ADARB1: variants seen among roughly 807,000 people sequenced by gnomAD.
ADARB1 encodes the protein adenosine deaminase RNA specific B1.
A neutral mutation model predicts 52.4 loss-of-function variants in ADARB1; 10 were observed. The ratio of observed to expected loss-of-function variants is 0.19; its 90% CI spans 0.12 to 0.32. ADARB1 has a LOEUF of 0.32. Among genes scored for constraint, ADARB1 ranks in the 10% least tolerant of loss-of-function variants. ADARB1 has a pLI of 1.00. For missense variants in ADARB1, 643 were observed against 922.3 expected (o/e 0.70, Z 3.92); for synonymous variants, 349 against 371.1 (o/e 0.94, Z 0.68).
chr21:45,111,728 A>G lies in ADARB1; in HGVS notation c.-219-16674A>G, dbSNP rs116878902. Among the ~76,000 whole-genome samples the G allele has an allele frequency of 5.3e-4, 80 of 152,334 alleles. 1 individual carries two copies. The East Asian group carries it at 0.014, about 28-fold the overall frequency. On this transcript the variant is annotated intron_variant, in intron 1 of 10. Coordinates refer to ENST00000348831, the MANE Select transcript of ADARB1 (RefSeq NM_001112.4). ...TGCCTGTTCGTTTTTACTGCTGTACATAGTACTCTGCTGTTTGACCATATC... is the reference window on the plus strand; with the variant it reads ...TGCCTGTTCGTTTTTACTGCTGTACGTAGTACTCTGCTGTTTGACCATATC...
intron 2 of ADARB1, among the ~76,000 whole-genome samples, chr21:45,169,691 C>T (rs2091403889): frequency 6.6e-6 from 1 of 152,124 alleles, no homozygotes; most frequent in Non-Finnish European, 1.5e-5. Context: ...TATTTAAAAC[C>T]AGTTTCAGCC....
chr21:45,219,016 T>A (rs1304213634), intron 9 of ADARB1, among the ~76,000 whole-genome samples: 1 of 152,242 alleles, frequency 6.6e-6, no homozygotes, highest in Non-Finnish European at 1.5e-5. Context: ...AGTGTCTTTT[T>A]AAAAACTTTC....
At chr21:45,151,872 A>G (rs1401138452) in intron 2 of ADARB1, among the ~76,000 whole-genome samples, 2 of 152,258 alleles carry the variant, frequency 1.3e-5, no homozygotes, top group Non-Finnish European at 2.9e-5. Flanking sequence ...AGCCAGGCAC[A>G]GTGGAAAATG....
rs140094480 is a variant in ADARB1 at position 45,119,542 on chromosome 21, T to C, written c.-219-8860T>C. On this transcript the variant is annotated intron_variant, in intron 1 of 10. Transcript: ENST00000348831. ...GGTACTTTTGATACAGAAGTTCTTATGAGACGTGTTGTTCTTTACTATGTA... is the reference window on the plus strand; with the variant it reads ...GGTACTTTTGATACAGAAGTTCTTACGAGACGTGTTGTTCTTTACTATGTA... 3.1e-3 allele frequency among the ~76,000 whole-genome samples: 478 copies of C among 152,370 alleles called. 5 individuals are homozygous for C. Among genetic ancestry groups the C allele is most frequent in the Middle Eastern group, 0.014 (4 of 294 alleles).
intron 1 of ADARB1, among the ~76,000 whole-genome samples, chr21:45,116,327 G>A (rs566598138): frequency 1.3e-5 from 2 of 152,342 alleles, no homozygotes; most frequent in Admixed American, 6.5e-5. Context: ...CCCTTGCCTC[G>A]GCTGCTAAGT....
chr21:45,200,894 CAG>C lies in ADARB1; in HGVS notation c.1566-3660_1566-3659del, dbSNP rs151288538. Reference sequence around the variant, plus strand: ...TCTCAGGCCGGGCCCTTTACTGAATCAGGGGACAGATCAGATGATAGCAGTCT... The same window carrying C: ...TCTCAGGCCGGGCCCTTTACTGAATCGGGACAGATCAGATGATAGCAGTCT... On this transcript the variant is annotated intron_variant, in intron 8 of 10. Coordinates refer to ENST00000348831, the MANE Select transcript of ADARB1 (RefSeq NM_001112.4). This position sits in a 1 kb window ranked among gnomAD's most constrained non-coding sequence, Gnocchi z 5.0. Among the ~76,000 whole-genome samples the C allele has an allele frequency of 4.5e-3, 684 of 152,302 alleles. 6 individuals are homozygous for C. The highest frequency in any genetic ancestry group is 8.2e-3 in the Admixed American group (125 of 15,296).
intron 1 of ADARB1, among the ~76,000 whole-genome samples, chr21:45,114,113 A>G (rs2087701102): frequency 6.6e-6 from 1 of 152,182 alleles, no homozygotes; most frequent in Admixed American, 6.5e-5. Context: ...CCAAAACTAC[A>G]TATCCAGCAC....
At chr21:45,137,435 C>A in intron 2 of ADARB1, 1 of 152,576 alleles carries the variant, frequency 6.6e-6, no homozygotes. Flanking sequence ...CTTGGCCATT[C>A]CTGCCCCTTG....
chr21:45,077,404 G>A (rs539825419), intron 1 of ADARB1, among the ~76,000 whole-genome samples: 5 of 152,272 alleles, frequency 3.3e-5, no homozygotes, highest in East Asian at 3.9e-4. Context: ...GGTGGCTCAC[G>A]CCTGTAATCC....
chr21:45,132,497 C>T (rs73230682), intron 2 of ADARB1, among the ~76,000 whole-genome samples: 6,830 of 152,272 alleles, frequency 0.045, 206 homozygotes, highest in Non-Finnish European at 0.065. Context: ...ATTTCTTTAA[C>T]TTGAGGCCCT....
At chr21:45,134,877 A>G in intron 2 of ADARB1, 1 of 524,088 alleles carries the variant, frequency 1.9e-6, no homozygotes, top group South Asian at 1.4e-5. Context: ...CCAGCACCAC[A>G]CCCCTGGCTG....
chr21:45,164,971 A>T (rs375023335), intron 2 of ADARB1, among the ~76,000 whole-genome samples: 2 of 152,146 alleles, frequency 1.3e-5, no homozygotes, highest in East Asian at 3.9e-4. Flanking sequence ...ACACATGTGC[A>T]TTGGTACACC....
At chr21:45,089,860 A>T (rs1244813099) in intron 1 of ADARB1, among the ~76,000 whole-genome samples, 1 of 152,290 alleles carries the variant, frequency 6.6e-6, no homozygotes, top group African/African-American at 2.4e-5. Flanking sequence ...TGTTTTCTAG[A>T]TGGAGGATCC....
rs556388098 is a variant in ADARB1, at chr21:45,086,992, A to G, written c.-220+12199A>G. On this transcript the variant is annotated intron_variant, in intron 1 of 10. Coordinates refer to ENST00000348831, the MANE Select transcript of ADARB1 (RefSeq NM_001112.4). ...GCCTACTATAGGATGAAATATGGTT[A>G]TAATGTCGAGCAGAAGCTATTAGCA... 2.6e-5 allele frequency among the ~76,000 whole-genome samples: 4 copies of G among 152,340 alleles called. No homozygotes were observed. In the South Asian group the frequency reaches 8.3e-4, roughly 32 times the overall value.
chr21:45,184,479 C>T (rs1294479433), intron 7 of ADARB1: 2 of 227,552 alleles, frequency 8.8e-6, no homozygotes, highest in Admixed American at 5.4e-5. Flanking sequence ...GACAGGGTCT[C>T]GCTCTTACAC....
chr21:45,147,942 C>T (rs530299960), intron 2 of ADARB1, among the ~76,000 whole-genome samples: 35 of 152,238 alleles, frequency 2.3e-4, no homozygotes, highest in Non-Finnish European at 4.3e-4. Flanking sequence ...GAGGCTGCCG[C>T]GCCTGTGCCA....
intron 9 of ADARB1, among the ~76,000 whole-genome samples, chr21:45,216,857 T>TTACTTCCTG (rs578151774): frequency 9.7e-4 from 148 of 152,156 alleles, no homozygotes; most frequent in African/African-American, 3.5e-3. Context: ...TTTAGAGTTT[T>TTACTTCCTG]TACTTCCTGT....
rs117079254 is a variant in ADARB1, at chr21:45,151,901, C to T, written c.-47-19709C>T. On this transcript the variant is annotated intron_variant, in intron 2 of 10. Coordinates refer to ENST00000348831, the MANE Select transcript of ADARB1 (RefSeq NM_001112.4). ...GAAAATGGGAAGATGTTGGCGTTTG[C>T]CCCTCCCTTGGCTGTGTGTCATTCA... is the stretch of plus-strand genomic sequence containing the variant. Among the ~76,000 whole-genome samples the T allele has an allele frequency of 1.5e-3, 232 of 152,342 alleles. 8 individuals are homozygous for T. In the East Asian group the frequency reaches 0.04, roughly 26 times the overall value.
intron 1 of ADARB1, among the ~76,000 whole-genome samples, chr21:45,094,103 TG>T (rs2086662688): frequency 6.6e-6 from 1 of 152,214 alleles, no homozygotes; most frequent in Non-Finnish European, 1.5e-5. Flanking sequence ...TTTCATAAGA[TG>T]GTTTTTTGAT....
Sources: gnomAD v4.1 joint callset for allele counts (sites outside exome capture counted in the v4.1 genomes callset) on GRCh38, gnomAD v4.1.1 for gene constraint, Gnocchi (gnomAD v3.1) non-coding constraint, MANE v1.5 for transcripts, NCBI Gene and HGNC (gene_info 2026-07-23, HGNC 2026-07-21) for gene names.